The following SH3KBP1 variants were observed in gnomAD, a reference collection of about 807,000 sequenced individuals.
SH3KBP1 encodes SH3 domain containing kinase binding protein 1.
Under a neutral mutation model 50.1 loss-of-function variants are expected in SH3KBP1, and 8 were observed. The observed-to-expected ratio is 0.16, with a 90% confidence interval of 0.09 to 0.29. The LOEUF (loss-of-function observed/expected upper bound fraction) is 0.29. Ranked by LOEUF, SH3KBP1 falls within the 10% of genes least tolerant of loss-of-function variation. The pLI is 1.00. For synonymous variants in SH3KBP1, 227 were observed against 218.6 expected, an observed-to-expected ratio of 1.04 and a Z score of -0.34; for missense variants, 377 against 535.2, an observed-to-expected ratio of 0.70 and a Z score of 2.92.
chrX:19,860,081 T>C (rs1001403450), intron 1 of SH3KBP1, among the ~76,000 whole-genome samples: 7 of 110,041 alleles, frequency 6.4e-5, no homozygotes, highest in African/African-American at 2.3e-4. Flanking sequence ...ATGTACTCTA[T>C]CCATACTATG....
At chrX:19,848,832 G>A (rs1234471091) in intron 1 of SH3KBP1, among the ~76,000 whole-genome samples, 1 of 111,486 alleles carries the variant, frequency 9.0e-6, no homozygotes, top group African/African-American at 3.3e-5. Context: ...GGAGTGCAGT[G>A]CCATTGTCAT....
At chrX:19,675,353 G>A (rs1370329365) in intron 6 of SH3KBP1, among the ~76,000 whole-genome samples, 1 of 110,209 alleles carries the variant, frequency 9.1e-6, no homozygotes, top group Admixed American at 9.7e-5. Context: ...CCAGGAAGAG[G>A]CAGAGTTGAA....
intron 2 of SH3KBP1, among the ~76,000 whole-genome samples, chrX:19,763,349 T>C (rs1045981806): frequency 1.5e-4 from 17 of 112,786 alleles, no homozygotes; most frequent in Admixed American, 9.4e-4. Flanking sequence ...GCCAATCTGA[T>C]AACAGGAGAT....
At position 19,651,584 on chromosome X, in the gene SH3KBP1, T is replaced by C. The variant is rs1019232410; in HGVS notation, c.727-6109A>G. 5.3e-5 allele frequency among the ~76,000 whole-genome samples: 6 copies of C among 112,694 alleles called. No individual in the cohort carries two copies. The South Asian group carries it at 2.2e-3, about 41-fold the overall frequency. On this transcript the variant is annotated intron_variant, in intron 6 of 17. Transcript: ENST00000397821. Reference sequence around the variant, plus strand: ...TGGGCTTAAGACTTAGAGCTATTCATATGATGTTTATTTCCTTGGTTGCCT... The same window carrying C: ...TGGGCTTAAGACTTAGAGCTATTCACATGATGTTTATTTCCTTGGTTGCCT...
At chrX:19,709,354 C>T (rs1415082445) in intron 3 of SH3KBP1, among the ~76,000 whole-genome samples, 2 of 111,717 alleles carry the variant, frequency 1.8e-5, no homozygotes, top group Non-Finnish European at 3.8e-5. Context: ...CATTCGCCCT[C>T]GCACTGGGAT....
intron 16 of SH3KBP1, among the ~76,000 whole-genome samples, chrX:19,539,427 G>A (rs906200210): frequency 9.0e-6 from 1 of 111,563 alleles, no homozygotes; most frequent in African/African-American, 3.3e-5. Context: ...TTATTTAAGC[G>A]CACATCATGC....
chrX:19,631,851 A>C lies in SH3KBP1; in HGVS notation c.897+13T>G, dbSNP rs7883994. 2,624 of 1,117,671 alleles carry C rather than the reference A, an allele frequency of 2.3e-3. 44 individuals are homozygous for C. In the African/African-American group the frequency reaches 0.039, roughly 17 times the overall value. 92.1% of individuals were successfully genotyped at this position (1,117,671 alleles called of 1,213,427 possible). A position where few individuals can be genotyped will look rare whatever the true frequency, so the allele number is the denominator to read the frequency against. ...GTTCGCGATTTAGAAGGTAGGAGAC[A>C]ACCTTTGTTTACCTTATTGATGAGA... On this transcript the variant is annotated intron_variant, in intron 8 of 17. Transcript: ENST00000397821.
chrX:19,668,244 T>C (rs986661439), intron 6 of SH3KBP1, among the ~76,000 whole-genome samples: 84 of 109,408 alleles, frequency 7.7e-4, no homozygotes, highest in Non-Finnish European at 1.4e-3. Flanking sequence ...CGGTGGCTCA[T>C]GCCTGTAATC....
chrX:19,611,181 T>C (rs1183344586), intron 8 of SH3KBP1, among the ~76,000 whole-genome samples: 1 of 110,220 alleles, frequency 9.1e-6, no homozygotes, highest in Non-Finnish European at 1.9e-5. Flanking sequence ...CTACCACACC[T>C]GGGCTCAAAC....
chrX:19,692,687 A>ATTT (rs1173048315), intron 5 of SH3KBP1, among the ~76,000 whole-genome samples: 1 of 86,972 alleles, frequency 1.1e-5, no homozygotes, highest in African/African-American at 5.2e-5. Flanking sequence ...ATATATATAT[A>ATTT]TATTTTTTTT....
chrX:19,594,683 T>C (rs1420196739), intron 10 of SH3KBP1, among the ~76,000 whole-genome samples: 2 of 111,776 alleles, frequency 1.8e-5, no homozygotes, highest in Non-Finnish European at 3.8e-5. Context: ...TGTTTGTTTG[T>C]TTGTTTGTTT....
chrX:19,763,128 C>G (rs956072995), intron 2 of SH3KBP1, among the ~76,000 whole-genome samples: 17 of 111,726 alleles, frequency 1.5e-4, no homozygotes, highest in African/African-American at 5.5e-4. Flanking sequence ...CTACATTGAG[C>G]ATCACTGTGC....
intron 1 of SH3KBP1, among the ~76,000 whole-genome samples, chrX:19,852,451 T>G (rs897095882): frequency 4.5e-5 from 5 of 110,584 alleles, no homozygotes; most frequent in Non-Finnish European, 7.6e-5. Context: ...TGGAATACGC[T>G]CTACAAGGTG....
intron 6 of SH3KBP1, among the ~76,000 whole-genome samples, 178 bp from the exon 7 acceptor site, chrX:19,645,653 C>T (rs1264207579): frequency 8.9e-6 from 1 of 112,293 alleles, no homozygotes; most frequent in African/African-American, 3.2e-5. Context: ...TCCTCAATGA[C>T]AAACAAGGGA....
intron 1 of SH3KBP1, among the ~76,000 whole-genome samples, chrX:19,881,322 G>A (rs1336271912): frequency 1.8e-5 from 2 of 112,045 alleles, no homozygotes; most frequent in Non-Finnish European, 3.8e-5. Context: ...GGCAGGGAAA[G>A]GGGAAGGAAC....
chrX:19,673,065 CA>C (rs1174045446), intron 6 of SH3KBP1, among the ~76,000 whole-genome samples: 10,910 of 37,180 alleles, frequency 0.29, 956 homozygotes, highest in African/African-American at 0.47. Flanking sequence ...GATTCTGTCT[CA>C]AAAAAAAAAA....
rs368804539 is a variant in SH3KBP1, at chrX:19,541,883, A to G, written c.1892+42T>C. Reference sequence around the variant, plus strand: ...AGAACTAGGTGCTGGCCTGGCAGAGAGCAACCTGGGTGACGGCCCCCAAGA... The same window carrying G: ...AGAACTAGGTGCTGGCCTGGCAGAGGGCAACCTGGGTGACGGCCCCCAAGA... On this transcript the variant is annotated intron_variant, in intron 16 of 17. Transcript: ENST00000397821. 105 of 1,174,472 alleles carry G rather than the reference A, an allele frequency of 8.9e-5. No homozygotes were observed. The South Asian group carries it at 1.1e-3, about 12-fold the overall frequency.
At chrX:19,811,455 A>G in intron 2 of SH3KBP1, among the ~76,000 whole-genome samples, 1 of 111,893 alleles carries the variant, frequency 8.9e-6, no homozygotes, top group East Asian at 2.8e-4. Flanking sequence ...GTCAGAAAGC[A>G]AATCCCACTG....
At chrX:19,839,684 G>T (rs1045666999) in intron 1 of SH3KBP1, among the ~76,000 whole-genome samples, 1 of 112,254 alleles carries the variant, frequency 8.9e-6, no homozygotes. Context: ...CCACAGCTAG[G>T]TCCTGACTGC....
Sources: allele counts gnomAD v4.1 joint callset (sites outside exome capture counted in the v4.1 genomes callset), GRCh38; gene constraint gnomAD v4.1.1; transcripts MANE v1.5; gene names NCBI Gene and HGNC (gene_info 2026-07-23, HGNC 2026-07-21).